TEX29: variants seen among roughly 807,000 people sequenced by gnomAD.
The protein encoded by TEX29 is testis-expressed protein 29.
In TEX29, 26 loss-of-function variants were observed where a neutral mutation model predicts 18.2. That is an observed-to-expected ratio of 1.43 (90% CI 1.04 to 1.98). TEX29 has a LOEUF of 1.98. Ranked by LOEUF, TEX29 falls within the 30% of genes most tolerant of loss-of-function variation. The probability of loss-of-function intolerance (pLI) is 0.00; values close to 1 mark genes in which losing one functional copy is unlikely to be tolerated. For missense variants in TEX29, 177 were observed against 194.2 expected (o/e 0.91, Z 0.53); for synonymous variants, 83 against 78.5 (o/e 1.06, Z -0.31).
intron 2 of TEX29, among the ~76,000 whole-genome samples, chr13:111,321,162 A>T (rs1217020066): frequency 6.6e-6 from 1 of 152,160 alleles, no homozygotes; most frequent in Non-Finnish European, 1.5e-5. Context: ...ATACACCCGA[A>T]CCTGAGGTTT....
chr13:111,339,774 A>G, intron 3 of TEX29, 89 bp from the exon 4 acceptor site: 1 of 1,391,626 alleles, frequency 7.2e-7, no homozygotes, highest in Non-Finnish European at 1.0e-6. Flanking sequence ...GAGGGCCCGC[A>G]CCCGACTCTG....
In TEX29 at chr13:111,328,238, C is replaced by T. The variant is rs753048414; in HGVS notation, c.114C>T (p.Cys38=). 1 of 1,614,086 alleles carries T rather than the reference C, an allele frequency of 6.2e-7. No homozygotes were observed. Among genetic ancestry groups the T allele is most frequent in the Non-Finnish European group, 8.5e-7 (1 of 1,180,030 alleles). ...ICDYNVSRDR[C]QELGCCFYEG... The stretch of plus-strand genomic sequence containing the variant: ...ACTACAACGTCTCCAGGGACCGATG[C>T]CAGGAGCTCGGGTGCTGCTTCTACG... The change falls in exon 3 of 6, where the codon TGC becomes TGT. Residue 38 remains cysteine, a synonymous_variant. Coordinates refer to ENST00000283547, the MANE Select transcript of TEX29 (RefSeq NM_152324.3).
chr13:111,326,713 G>C (rs1486182311), intron 2 of TEX29, among the ~76,000 whole-genome samples: 1 of 151,704 alleles, frequency 6.6e-6, no homozygotes, highest in African/African-American at 2.4e-5. Flanking sequence ...TGTCTGGTGG[G>C]GTGGAGGAGA....
chr13:111,343,982 A>G (rs970849044), intron 5 of TEX29, 101 bp from the exon 6 acceptor site: 2 of 978,688 alleles, frequency 2.0e-6, no homozygotes, highest in South Asian at 1.4e-5. Context: ...ATCATTGCCA[A>G]TCAGACACCA....
At chr13:111,325,029 CG>C (rs1293759681) in intron 2 of TEX29, among the ~76,000 whole-genome samples, 1 of 152,146 alleles carries the variant, frequency 6.6e-6, no homozygotes, top group Non-Finnish European at 1.5e-5. Context: ...GACGGGGTGA[CG>C]GGACAGATTC....
In TEX29 at chr13:111,339,473, G is replaced by A. The variant is rs1044534965; in HGVS notation, c.170-390G>A. The A allele has an allele frequency of 1.5e-5, 6 of 412,370 alleles. 1 individual carries two copies. Among genetic ancestry groups the A allele is most frequent in the East Asian group, 6.7e-5 (1 of 15,016 alleles). 25.5% of individuals were successfully genotyped at this position (412,370 alleles called of 1,614,324 possible). ...CAGCGCCATCTCTCAGCACAACCCCGTGGGTCAGGAGCCAGCGCCGTCTCT... is the reference window on the plus strand; with the variant it reads ...CAGCGCCATCTCTCAGCACAACCCCATGGGTCAGGAGCCAGCGCCGTCTCT... On this transcript the variant is annotated intron_variant, in intron 3 of 5. Coordinates refer to ENST00000283547, the MANE Select transcript of TEX29 (RefSeq NM_152324.3).
In TEX29 at chr13:111,337,130, T is replaced by A. The variant is rs1428771040; in HGVS notation, c.170-2733T>A. On this transcript the variant is annotated intron_variant, in intron 3 of 5. Transcript: ENST00000283547. ...ATTTGTGCATTTCAATTCGATCGAT[T>A]CTGTTTGTTGAACAGCATTTAAGTG... 2.0e-5 allele frequency among the ~76,000 whole-genome samples: 3 copies of A among 152,182 alleles called. No homozygotes were observed. The East Asian group carries it at 5.8e-4, about 29-fold the overall frequency.
intron 3 of TEX29, among the ~76,000 whole-genome samples, chr13:111,333,878 T>A (rs2093686071): frequency 6.6e-6 from 1 of 152,126 alleles, no homozygotes; most frequent in Non-Finnish European, 1.5e-5. Flanking sequence ...GCCAACCACC[T>A]CCCACCAGGT....
Position 111,328,277 on chromosome 13 carries a change from C to G in TEX29, c.153C>G (p.Tyr51Ter), listed in dbSNP as rs1342253026. 6.2e-7 allele frequency: 1 copy of G among 1,613,490 alleles called. No individual in the cohort carries two copies. The highest frequency in any genetic ancestry group is 2.2e-5 in the East Asian group (1 of 44,892). The change falls in exon 3 of 6, where the codon TAC becomes TAG. Residue 51 changes from tyrosine (Y) to a stop codon, truncating the protein, a stop_gained. Transcript: ENST00000283547. LOFTEE classifies it high-confidence loss of function. ...LGCCFYEGVC[Y>*]KKAVPIYIHV... ...GCTGCTTCTACGAAGGCGTCTGCTA[C>G]AAGAAAGCGGTTCCCAGTGAGTAGA... is the stretch of plus-strand genomic sequence containing the variant.
chr13:111,321,179 TGAA>T (rs2093663986), intron 2 of TEX29, among the ~76,000 whole-genome samples: 3 of 152,236 alleles, frequency 2.0e-5, no homozygotes, highest in Admixed American at 6.5e-5. Flanking sequence ...GTTTTCTAGA[TGAA>T]GAAATACATT....
upstream of TEX29, among the ~76,000 whole-genome samples, chr13:111,320,404 G>A (rs966437519): frequency 8.5e-5 from 13 of 152,232 alleles, no homozygotes; most frequent in Non-Finnish European, 1.9e-4. Context: ...GTGGGCAAGG[G>A]GCGGGGGTAT....
chr13:111,343,008 A>G, intron 5 of TEX29, 77 bp downstream of exon 5: 1 of 1,540,204 alleles, frequency 6.5e-7, no homozygotes, highest in Non-Finnish European at 8.8e-7. Flanking sequence ...TTCCCTGGGA[A>G]GGGGCTCAAC....
intron 2 of TEX29, among the ~76,000 whole-genome samples, chr13:111,325,035 A>G (rs1341159496): frequency 6.6e-6 from 1 of 152,184 alleles, no homozygotes; most frequent in Non-Finnish European, 1.5e-5. Flanking sequence ...GTGACGGGAC[A>G]GATTCATGGG....
upstream of TEX29, among the ~76,000 whole-genome samples, chr13:111,319,775 G>A (rs553251029): frequency 2.0e-5 from 3 of 152,202 alleles, no homozygotes; most frequent in African/African-American, 4.8e-5. Flanking sequence ...TTACAGGTGC[G>A]CACCATTATG....
chr13:111,321,198 A>G (rs2093664010), intron 2 of TEX29, among the ~76,000 whole-genome samples: 1 of 152,356 alleles, frequency 6.6e-6, no homozygotes, highest in East Asian at 1.9e-4. Context: ...ACATTTAACT[A>G]TTTCCAGGGC....
At position 111,337,949 on chromosome 13, in the gene TEX29, G is replaced by T. The variant is rs535923853; in HGVS notation, c.170-1914G>T. ...GGTATGAGGAAAATCGAGGATGTGG[G>T]TTACCCTCACAAGCTGGCTTCAATC... On this transcript the variant is annotated intron_variant, in intron 3 of 5. Coordinates refer to ENST00000283547, the MANE Select transcript of TEX29 (RefSeq NM_152324.3). Among the ~76,000 whole-genome samples the T allele has an allele frequency of 3.9e-5, 6 of 152,264 alleles. 1 individual carries two copies. In the South Asian group the frequency reaches 1.2e-3, roughly 32 times the overall value.
Position 111,323,744 on chromosome 13 carries a change from C to T in TEX29, c.58+2796C>T, listed in dbSNP as rs574166822. 4.6e-5 allele frequency among the ~76,000 whole-genome samples: 7 copies of T among 151,912 alleles called. No homozygotes were observed. In the South Asian group the frequency reaches 6.3e-4, roughly 14 times the overall value. ...ACACACAGGGATCCGTGGCCCTGCA[C>T]GCCCCAGATCCCCATCCGTGGTTCA... On this transcript the variant is annotated intron_variant, in intron 2 of 5. Coordinates refer to ENST00000283547, the MANE Select transcript of TEX29 (RefSeq NM_152324.3).
chr13:111,331,657 C>T (rs527667895), intron 3 of TEX29, among the ~76,000 whole-genome samples: 1 of 152,190 alleles, frequency 6.6e-6, no homozygotes, highest in Non-Finnish European at 1.5e-5. Flanking sequence ...ATATTTATAC[C>T]TGTAATATCT....
At chr13:111,321,064 C>T in intron 2 of TEX29, 116 bp downstream of exon 2, 1 of 1,186,026 alleles carries the variant, frequency 8.4e-7, no homozygotes, top group Non-Finnish European at 1.2e-6. Flanking sequence ...CCAGACCTGG[C>T]TAGGAGGGCA....
Sources: allele counts gnomAD v4.1 joint callset (sites outside exome capture counted in the v4.1 genomes callset), GRCh38; gene constraint gnomAD v4.1.1; transcripts MANE v1.5; gene names NCBI Gene and HGNC (gene_info 2026-07-23, HGNC 2026-07-21).